CADPS: variants seen among roughly 807,000 people sequenced by gnomAD.
CADPS encodes calcium dependent secretion activator, also known as calcium-dependent secretion activator 1.
Under a neutral mutation model 167.3 loss-of-function variants are expected in CADPS, and 57 were observed. The observed-to-expected ratio is 0.34, with a 90% confidence interval of 0.28 to 0.42. The LOEUF (loss-of-function observed/expected upper bound fraction) is 0.42, where lower values mean the gene tolerates loss of function less well. Ranked by LOEUF, CADPS falls within the 20% of genes least tolerant of loss-of-function variation. The pLI is 1.00. For synonymous variants in CADPS, 676 were observed against 635.3 expected (o/e 1.06, Z -0.96); for missense variants, 1,414 against 1,738.1 (o/e 0.81, Z 3.32).
At chr3:62,666,947 C>G (rs1422361939) in intron 3 of CADPS, among the ~76,000 whole-genome samples, 1 of 151,398 alleles carries the variant, frequency 6.6e-6, no homozygotes, top group Non-Finnish European at 1.5e-5. Flanking sequence ...GAGTGGACAT[C>G]ATTTTATCTT....
At chr3:62,774,812 T>G (rs1221731036) in intron 1 of CADPS, among the ~76,000 whole-genome samples, 1 of 152,132 alleles carries the variant, frequency 6.6e-6, no homozygotes, top group Non-Finnish European at 1.5e-5. Flanking sequence ...TACAGATAGG[T>G]TGTTGGAAAA....
At chr3:62,654,776 G>T (rs1405061389) in intron 4 of CADPS, among the ~76,000 whole-genome samples, 1 of 152,128 alleles carries the variant, frequency 6.6e-6, no homozygotes, top group Non-Finnish European at 1.5e-5. Context: ...TGTGGGTGGG[G>T]GAACTTGGTA....
chr3:62,661,498 C>T (rs2073197563), intron 4 of CADPS, among the ~76,000 whole-genome samples: 1 of 151,928 alleles, frequency 6.6e-6, no homozygotes, highest in South Asian at 2.1e-4. Flanking sequence ...CTCGGGAGTT[C>T]CGGTGGGAAA....
intron 26 of CADPS, among the ~76,000 whole-genome samples, chr3:62,449,500 T>TTATCCA (rs903795925): frequency 4.6e-5 from 7 of 152,318 alleles, no homozygotes; most frequent in African/African-American, 1.7e-4. Flanking sequence ...TTTTCTTAAG[T>TTATCCA]TATCCATATC....
At chr3:62,699,945 G>A (rs1435111966) in intron 3 of CADPS, among the ~76,000 whole-genome samples, 1 of 152,184 alleles carries the variant, frequency 6.6e-6, no homozygotes, top group African/African-American at 2.4e-5. Context: ...AAGCAGAGCT[G>A]AGTAGTTGCA....
At chr3:62,703,236 T>C (rs892252926) in intron 3 of CADPS, among the ~76,000 whole-genome samples, 1 of 152,244 alleles carries the variant, frequency 6.6e-6, no homozygotes, top group African/African-American at 2.4e-5. Flanking sequence ...CTATGAACAT[T>C]TACTTGAGAC....
chr3:62,853,635 A>AAAAAAAG (rs1553771031), intron 1 of CADPS, among the ~76,000 whole-genome samples: 1 of 150,508 alleles, frequency 6.6e-6, no homozygotes, highest in Non-Finnish European at 1.5e-5. Flanking sequence ...AAAAAAAAAA[A>AAAAAAAG]AAAAGAAAAG....
At chr3:62,482,925 G>T (rs767058987) in intron 21 of CADPS, among the ~76,000 whole-genome samples, 2 of 152,174 alleles carry the variant, frequency 1.3e-5, no homozygotes, top group African/African-American at 4.8e-5. Context: ...ATGGAAGAGA[G>T]ATGGATGGTT....
At chr3:62,804,186 G>A (rs2093947241) in intron 1 of CADPS, among the ~76,000 whole-genome samples, 1 of 152,108 alleles carries the variant, frequency 6.6e-6, no homozygotes, top group South Asian at 2.1e-4. Flanking sequence ...CATTATGTCT[G>A]TACTGCTTAA....
chr3:62,534,770 TC>T (rs2074352962), intron 12 of CADPS, among the ~76,000 whole-genome samples: 1 of 152,142 alleles, frequency 6.6e-6, no homozygotes, highest in Non-Finnish European at 1.5e-5. Context: ...GGAGATAAGG[TC>T]CTTTTTAATT....
intron 1 of CADPS, among the ~76,000 whole-genome samples, chr3:62,842,888 G>T (rs1417112611): frequency 6.6e-6 from 1 of 152,150 alleles, no homozygotes; most frequent in Non-Finnish European, 1.5e-5. Context: ...AAACATATCT[G>T]TACTGCGTAA....
chr3:62,616,335 T>C (rs2062290422), intron 6 of CADPS, among the ~76,000 whole-genome samples: 1 of 152,168 alleles, frequency 6.6e-6, no homozygotes, highest in Admixed American at 6.5e-5. Flanking sequence ...CAGGCACGTA[T>C]ATTGGTTATG....
intron 17 of CADPS, among the ~76,000 whole-genome samples, chr3:62,504,537 G>A (rs1265249168): frequency 6.6e-6 from 1 of 152,202 alleles, no homozygotes; most frequent in African/African-American, 2.4e-5. Flanking sequence ...CACCCATGAG[G>A]CAGCAGATAC....
At chr3:62,776,499 A>C in intron 1 of CADPS, among the ~76,000 whole-genome samples, 1 of 152,110 alleles carries the variant, frequency 6.6e-6, no homozygotes. Context: ...CTAAAAATAC[A>C]AAAAATTAGC....
intron 1 of CADPS, among the ~76,000 whole-genome samples, chr3:62,821,953 T>C (rs1175626643): frequency 1.3e-5 from 2 of 152,188 alleles, no homozygotes; most frequent in Middle Eastern, 3.2e-3. Flanking sequence ...GCCTCCTTGC[T>C]GGCTGTCAGC....
At chr3:62,608,375 C>A (rs576485059) in intron 6 of CADPS, among the ~76,000 whole-genome samples, 1 of 151,816 alleles carries the variant, frequency 6.6e-6, no homozygotes, top group Non-Finnish European at 1.5e-5. Flanking sequence ...CTCCACCTCC[C>A]GGGCTCACGT....
chr3:62,444,417 ACC>A (rs2056874941), intron 27 of CADPS, among the ~76,000 whole-genome samples: 4 of 152,146 alleles, frequency 2.6e-5, no homozygotes, highest in Non-Finnish European at 4.4e-5. Context: ...TGCACAGCAA[ACC>A]CATGACTTAG....
intron 4 of CADPS, among the ~76,000 whole-genome samples, chr3:62,655,201 T>A (rs1173488982): frequency 6.6e-6 from 1 of 152,172 alleles, no homozygotes; most frequent in Non-Finnish European, 1.5e-5. Flanking sequence ...TGGGAAGAAA[T>A]AGCATACTGT....
chr3:62,753,589 C>G lies in CADPS; in HGVS notation c.740G>C (p.Gly247Ala), dbSNP rs765186750. ...WMAKFDAIYRGEEDPRKQQAR... is the reference protein window; with the variant it reads ...WMAKFDAIYRAEEDPRKQQAR... Reference sequence around the variant, plus strand: ...CTGCTGCTTCCGCGGGTCCTCTTCTCCACGGTAGATGGCATCAAATTTGGC... The same window carrying G: ...CTGCTGCTTCCGCGGGTCCTCTTCTGCACGGTAGATGGCATCAAATTTGGC... Residue 247 changes from glycine to alanine, a missense_variant, in exon 3 of 30, where the codon GGA (glycine) becomes GCA (alanine). This residue lies in a region of CADPS where 522 missense variants were observed against 559.5 expected (regional missense o/e 0.93). Coordinates refer to ENST00000383710, the MANE Select transcript of CADPS (RefSeq NM_003716.4). This position sits in a 1 kb window ranked among gnomAD's most constrained non-coding sequence, Gnocchi z 4.6. 3.1e-6 allele frequency: 5 copies of G among 1,614,154 alleles called. No individual in the cohort carries two copies. The highest frequency in any genetic ancestry group is 4.2e-6 in the Non-Finnish European group (5 of 1,180,026).
Sources: allele counts gnomAD v4.1 joint callset (sites outside exome capture counted in the v4.1 genomes callset), GRCh38; gene constraint gnomAD v4.1.1; regional missense constraint gnomAD v4.1.1; non-coding constraint Gnocchi (gnomAD v3.1); transcripts MANE v1.5; gene names NCBI Gene and HGNC (gene_info 2026-07-23, HGNC 2026-07-21).